PRICKLE1: variants seen among roughly 807,000 people sequenced by gnomAD.
PRICKLE1 encodes the protein prickle-like protein 1.
A neutral mutation model predicts 70.2 loss-of-function variants in PRICKLE1; 14 were observed. The ratio of observed to expected loss-of-function variants is 0.20; its 90% CI spans 0.13 to 0.31. PRICKLE1 has a LOEUF of 0.31. PRICKLE1 is among the 10% of genes least tolerant of loss of function. The pLI is 1.00. For synonymous variants in PRICKLE1, 357 were observed against 379.9 expected (o/e 0.94, Z 0.70); for missense variants, 821 against 1,026.2 (o/e 0.80, Z 2.73).
intron 1 of PRICKLE1, chr12:42,489,978 T>C (rs1381204149): frequency 2.6e-5 from 4 of 152,176 alleles, no homozygotes; most frequent in Non-Finnish European, 4.4e-5. Flanking sequence ...GACCTTTCCC[T>C]TGACTTAGAG....
At chr12:42,575,905 C>A (rs1157110097) in intron 1 of PRICKLE1, among the ~76,000 whole-genome samples, 1 of 152,138 alleles carries the variant, frequency 6.6e-6, no homozygotes, top group African/African-American at 2.4e-5. Context: ...CCACATAGAA[C>A]AAATAACTTC....
intron 1 of PRICKLE1, among the ~76,000 whole-genome samples, chr12:42,526,930 T>C (rs56275096): frequency 0.081 from 12,288 of 152,054 alleles, 529 homozygotes; most frequent in Middle Eastern, 0.12. Flanking sequence ...CAAGAGACTA[T>C]GTATGCTGCT....
chr12:42,555,029 G>T (rs142347282), intron 1 of PRICKLE1, among the ~76,000 whole-genome samples: 1 of 152,104 alleles, frequency 6.6e-6, no homozygotes. Context: ...CAGGCCGGGC[G>T]CAGTGGCTCA....
chr12:42,478,341 C>A (rs1205807997), intron 1 of PRICKLE1, among the ~76,000 whole-genome samples: 1 of 152,144 alleles, frequency 6.6e-6, no homozygotes, highest in East Asian at 1.9e-4. Context: ...AATAGGCATC[C>A]TATTTCTCCA....
intron 1 of PRICKLE1, among the ~76,000 whole-genome samples, chr12:42,544,114 G>A (rs1442645085): frequency 1.3e-5 from 2 of 152,158 alleles, no homozygotes; most frequent in Non-Finnish European, 2.9e-5. Flanking sequence ...AGAGGTGGAA[G>A]AAAATCCACA....
intron 1 of PRICKLE1, among the ~76,000 whole-genome samples, chr12:42,486,391 A>AAT (rs1938991202): frequency 6.6e-6 from 1 of 152,244 alleles, no homozygotes; most frequent in Admixed American, 6.5e-5. Flanking sequence ...AATAAACATG[A>AAT]GTTAAGTGAA....
intron 2 of PRICKLE1, 31 bp from the exon 3 acceptor site, chr12:42,470,390 C>T: frequency 7.4e-7 from 1 of 1,351,642 alleles, no homozygotes; most frequent in South Asian, 1.2e-5. Context: ...ATGGCATCAA[C>T]ATACAGAACT....
intron 1 of PRICKLE1, among the ~76,000 whole-genome samples, chr12:42,525,969 A>C (rs1303177855): frequency 2.6e-5 from 4 of 152,250 alleles, no homozygotes; most frequent in South Asian, 2.1e-4. Flanking sequence ...GCCTCTTTCC[A>C]AGAAGGTAAT....
chr12:42,478,803 C>T (rs1385747911), intron 1 of PRICKLE1, among the ~76,000 whole-genome samples: 1 of 151,808 alleles, frequency 6.6e-6, no homozygotes, highest in African/African-American at 2.4e-5. Context: ...GTTCCATTTC[C>T]CTCCTTTGTC....
chr12:42,541,106 T>C (rs888165348), intron 1 of PRICKLE1, among the ~76,000 whole-genome samples: 1 of 152,152 alleles, frequency 6.6e-6, no homozygotes, highest in African/African-American at 2.4e-5. Context: ...TATATTAATA[T>C]ACAAATACAG....
At chr12:42,469,753 C>T in intron 3 of PRICKLE1, 166 bp from the exon 4 acceptor site, 1 of 795,014 alleles carries the variant, frequency 1.3e-6, no homozygotes, top group Non-Finnish European at 2.0e-6. Flanking sequence ...TACAGCCTCT[C>T]TAGAAAAAGG....
chr12:42,545,868 AT>A (rs1462920346), intron 1 of PRICKLE1, among the ~76,000 whole-genome samples: 1 of 122,200 alleles, frequency 8.2e-6, no homozygotes, highest in African/African-American at 2.6e-5. Context: ...AAAAAAAAAA[AT>A]ATATATATGG....
rs1383784474 is a variant in PRICKLE1, at chr12:42,460,338, G to A, written c.1967C>T (p.Thr656Ile). The change falls in exon 8 of 8, where the codon ACT becomes ATT. Residue 656 changes from threonine (T) to isoleucine (I), a missense_variant. Transcript: ENST00000345127. ...EIRQPPMSER[T>I]RRRVYNFEER... Reference sequence around the variant, plus strand: ...TTCAAAATTGTAGACGCGTCTCCGAGTCCTTTCACTCATCGGAGGCTGCCG... The same window carrying A: ...TTCAAAATTGTAGACGCGTCTCCGAATCCTTTCACTCATCGGAGGCTGCCG... 2 of 1,613,988 alleles carry A rather than the reference G, an allele frequency of 1.2e-6. No homozygotes were observed. The highest frequency in any genetic ancestry group is 1.7e-6 in the Non-Finnish European group (2 of 1,180,006).
intron 1 of PRICKLE1, among the ~76,000 whole-genome samples, chr12:42,514,788 C>A (rs1417490980): frequency 1.3e-5 from 2 of 152,054 alleles, no homozygotes; most frequent in East Asian, 3.8e-4. Flanking sequence ...AGTTTCTTCC[C>A]TTTTCTGCTT....
intron 1 of PRICKLE1, among the ~76,000 whole-genome samples, chr12:42,509,312 T>C (rs1457759305): frequency 1.3e-5 from 2 of 152,054 alleles, no homozygotes; most frequent in Non-Finnish European, 2.9e-5. Flanking sequence ...TAGGCTAACA[T>C]GAAGGAAAAG....
intron 1 of PRICKLE1, among the ~76,000 whole-genome samples, chr12:42,577,488 G>A (rs1348509912): frequency 1.3e-5 from 2 of 152,116 alleles, no homozygotes; most frequent in African/African-American, 4.8e-5. Flanking sequence ...TTTTGAAATA[G>A]ACTGTTAAAA....
intron 1 of PRICKLE1, among the ~76,000 whole-genome samples, chr12:42,566,282 A>C (rs1940620139): frequency 6.6e-6 from 1 of 152,184 alleles, no homozygotes; most frequent in Non-Finnish European, 1.5e-5. Flanking sequence ...TGGTTGAATG[A>C]ATGTGAAAAT....
chr12:42,502,626 A>G (rs1197277350), intron 1 of PRICKLE1, among the ~76,000 whole-genome samples: 2 of 152,268 alleles, frequency 1.3e-5, no homozygotes, highest in East Asian at 1.9e-4. Flanking sequence ...GGTTTTTTAA[A>G]AAAAATATTT....
chr12:42,466,524 C>A (rs1593108876), intron 5 of PRICKLE1, 144 bp from the exon 6 acceptor site: 2 of 716,262 alleles, frequency 2.8e-6, no homozygotes, highest in Admixed American at 4.3e-5. Flanking sequence ...CTTAGAGTCA[C>A]AAGCTTAAAT....
Sources: allele counts gnomAD v4.1 joint callset (sites outside exome capture counted in the v4.1 genomes callset), GRCh38; gene constraint gnomAD v4.1.1; transcripts MANE v1.5; gene names NCBI Gene and HGNC (gene_info 2026-07-23, HGNC 2026-07-21).